The following CAPSL variants were observed in gnomAD, a reference collection of about 807,000 sequenced individuals.
The protein encoded by CAPSL is calcyphosine like, also known as calcyphosin-like protein.
A neutral mutation model predicts 21.3 loss-of-function variants in CAPSL; 17 were observed. That is an observed-to-expected ratio of 0.80 (90% CI 0.55 to 1.20). The LOEUF is 1.20. Ranked by LOEUF, CAPSL falls within the 50% of genes most tolerant of loss-of-function variation. The pLI, the probability that CAPSL is intolerant of heterozygous loss-of-function variation, is 0.00. For missense variants in CAPSL, 289 were observed against 259.3 expected, an observed-to-expected ratio of 1.11 and a Z score of -0.79; for synonymous variants, 102 against 89.3, an observed-to-expected ratio of 1.14 and a Z score of -0.80.
intron 4 of CAPSL, among the ~76,000 whole-genome samples, chr5:35,905,416 T>A: frequency 6.6e-6 from 1 of 152,142 alleles, no homozygotes; most frequent in East Asian, 1.9e-4. Flanking sequence ...CTTCCAAGAA[T>A]CATAAGAGAT....
intron 1 of CAPSL, 109 bp from the exon 2 acceptor site, chr5:35,921,229 A>G: frequency 7.4e-7 from 1 of 1,354,430 alleles, no homozygotes; most frequent in Non-Finnish European, 9.9e-7. Flanking sequence ...CTTCTCTGTC[A>G]GGAAACCTCT....
intron 4 of CAPSL, 82 bp from the exon 5 acceptor site, chr5:35,904,728 A>G (rs550546905): frequency 6.4e-7 from 1 of 1,568,054 alleles, no homozygotes. Context: ...ACCTGTAAAT[A>G]GAAGGGAAAT....
At chr5:35,936,003 A>G (rs939910923) in intron 1 of CAPSL, among the ~76,000 whole-genome samples, 1 of 152,170 alleles carries the variant, frequency 6.6e-6, no homozygotes, top group Non-Finnish European at 1.5e-5. Context: ...CTTTAACCAC[A>G]GCTAGGCCTT....
At chr5:35,928,085 C>A (rs75208088) in intron 1 of CAPSL, among the ~76,000 whole-genome samples, 1,854 of 152,272 alleles carry the variant, frequency 0.012, 46 homozygotes, top group African/African-American at 0.043. Context: ...CTCGGCCTTT[C>A]AGATGGTACC....
chr5:35,937,333 C>A (rs1480678816), intron 1 of CAPSL, among the ~76,000 whole-genome samples: 1 of 152,206 alleles, frequency 6.6e-6, no homozygotes, highest in African/African-American at 2.4e-5. Context: ...CATGCATTGG[C>A]CTTTCCTATG....
At chr5:35,920,893 A>T in intron 2 of CAPSL, 91 bp downstream of exon 2, 1 of 1,370,980 alleles carries the variant, frequency 7.3e-7, no homozygotes, top group Non-Finnish European at 1.0e-6. Context: ...GGAGGAGATG[A>T]CTTCCCCAAG....
chr5:35,916,192 C>A, intron 2 of CAPSL, among the ~76,000 whole-genome samples: 1 of 151,494 alleles, frequency 6.6e-6, no homozygotes, highest in African/African-American at 2.4e-5. Context: ...AACTACAAAC[C>A]ACTGCTCAAG....
At chr5:35,938,663 C>T (rs549818145), upstream of CAPSL, 3 of 153,020 alleles carry the variant, frequency 2.0e-5, no homozygotes, top group Non-Finnish European at 4.4e-5. Context: ...CTGTCTTCCT[C>T]AGGGGCCCTG....
Position 35,929,485 on chromosome 5 carries a change from G to T in CAPSL, c.1-8365C>A, listed in dbSNP as rs570081374. On this transcript the variant is annotated intron_variant, in intron 1 of 4. Transcript: ENST00000651391. ...TTTTTGTATTTTTAGTAGAGATGGG[G>T]TTTCACCATGTTGGCCAGGCTGGTC... Among the ~76,000 whole-genome samples, 8 of 152,078 alleles carry T rather than the reference G, an allele frequency of 5.3e-5. No individual in the cohort carries two copies. The South Asian group carries it at 1.7e-3, about 32-fold the overall frequency.
At chr5:35,909,785 C>T in intron 4 of CAPSL, 81 bp downstream of exon 4, 1 of 1,156,332 alleles carries the variant, frequency 8.6e-7, no homozygotes, top group Non-Finnish European at 1.2e-6. Context: ...AATGTGTTAA[C>T]ATTTTTAAGA....
At chr5:35,915,141 C>A (rs766599934) in intron 2 of CAPSL, among the ~76,000 whole-genome samples, 1 of 152,046 alleles carries the variant, frequency 6.6e-6, no homozygotes, top group African/African-American at 2.4e-5. Context: ...ACACACACAC[C>A]CTCCCAAGAC....
rs149827266 is a variant in CAPSL at position 35,921,031 on chromosome 5, T to C, written c.90A>G (p.Arg30=). The part of the protein sequence containing the change: ...TTATDPIERL[R]LQCLARGSAG... ...CAGAGCCCCTGGCCAGGCACTGCAG[T>C]CGGAGTCTTTCAATGGGGTCGGTGG... Residue 30 remains arginine (R), a synonymous_variant, in exon 2 of 5, where the codon CGA becomes CGG. Transcript: ENST00000651391. 420 of 1,614,064 alleles carry C rather than the reference T, an allele frequency of 2.6e-4. 4 individuals are homozygous for C. In the East Asian group the frequency reaches 6.7e-3, roughly 26 times the overall value.
chr5:35,904,781 C>A, intron 4 of CAPSL, 135 bp from the exon 5 acceptor site: 4 of 1,330,152 alleles, frequency 3.0e-6, no homozygotes, highest in Non-Finnish European at 4.0e-6. Flanking sequence ...AGGAACTGAT[C>A]TAAAACAAAA....
chr5:35,916,017 T>C (rs1580885179), intron 2 of CAPSL, among the ~76,000 whole-genome samples: 1 of 152,138 alleles, frequency 6.6e-6, no homozygotes, highest in Non-Finnish European at 1.5e-5. Flanking sequence ...CAGCAAAGTC[T>C]CAGGATACAA....
At chr5:35,927,657 C>G (rs941413753) in intron 1 of CAPSL, among the ~76,000 whole-genome samples, 2 of 152,202 alleles carry the variant, frequency 1.3e-5, no homozygotes, top group African/African-American at 2.4e-5. Flanking sequence ...GGCTTTTGCT[C>G]TTTATCTCTG....
intron 4 of CAPSL, 130 bp from the exon 5 acceptor site, chr5:35,904,776 C>A: frequency 2.2e-6 from 3 of 1,361,574 alleles, no homozygotes; most frequent in Non-Finnish European, 2.9e-6. Context: ...GGCTGAGGAA[C>A]TGATCTAAAA....
At chr5:35,908,387 C>T (rs1038592797) in intron 4 of CAPSL, among the ~76,000 whole-genome samples, 4 of 152,170 alleles carry the variant, frequency 2.6e-5, no homozygotes, top group South Asian at 2.1e-4. Context: ...CCTCAATAAC[C>T]TTTATGAGCT....
At chr5:35,916,621 G>C (rs1738393929) in intron 2 of CAPSL, among the ~76,000 whole-genome samples, 2 of 152,088 alleles carry the variant, frequency 1.3e-5, no homozygotes, top group African/African-American at 4.8e-5. Flanking sequence ...GGAAAGGATT[G>C]CCTATTTAAT....
chr5:35,910,066 A>G lies in CAPSL; in HGVS notation c.325T>C (p.Ser109Pro), dbSNP rs1738173800. 6.2e-7 allele frequency: 1 copy of G among 1,601,712 alleles called. No individual in the cohort carries two copies. Among genetic ancestry groups the G allele is most frequent in the Non-Finnish European group, 8.5e-7 (1 of 1,175,966 alleles). ...ATGATTACCTCTTTTCTGGCTCTGG[A>G]CATTGGAGGCTACAAAAATAGAAGA... is the stretch of plus-strand genomic sequence containing the variant. ...EFLLTLRPPMSRARKEVIMQA... is the reference protein window; with the variant it reads ...EFLLTLRPPMPRARKEVIMQA... Residue 109 changes from serine (S) to proline (P), a missense_variant, in exon 4 of 5, where the codon TCC becomes CCC. By Grantham distance (74) the Ser-to-Pro change is moderately conservative. Transcript: ENST00000651391.
Sources: allele counts gnomAD v4.1 joint callset (sites outside exome capture counted in the v4.1 genomes callset), GRCh38; gene constraint gnomAD v4.1.1; transcripts MANE v1.5; gene names NCBI Gene and HGNC (gene_info 2026-07-23, HGNC 2026-07-21).